Variants in FHIT observed in about 807,000 individuals in gnomAD.
FHIT encodes the protein bis(5'-adenosyl)-triphosphatase.
FHIT carries 19 observed loss-of-function variants against 17.9 expected under a neutral mutation model. The observed-to-expected ratio is 1.06, with a 90% CI of 0.74 to 1.56. The LOEUF (loss-of-function observed/expected upper bound fraction) is 1.56, where lower values mean the gene tolerates loss of function less well. Ranked by LOEUF, FHIT falls within the 40% of genes most tolerant of loss-of-function variation. The probability of loss-of-function intolerance (pLI) is 0.00; values close to 1 mark genes in which losing one functional copy is unlikely to be tolerated. For missense variants in FHIT, 248 were observed against 189.2 expected, an observed-to-expected ratio of 1.31 and a Z score of -1.82; for synonymous variants, 81 against 69.7, an observed-to-expected ratio of 1.16 and a Z score of -0.81.
chr3:60,623,228 C>T (rs1252096023), intron 4 of FHIT, among the ~76,000 whole-genome samples: 4 of 152,178 alleles, frequency 2.6e-5, no homozygotes, highest in Non-Finnish European at 1.5e-5. Flanking sequence ...AGTGTAACCT[C>T]CCCTGTCCAA....
At chr3:60,548,784 C>G (rs904452231) in intron 4 of FHIT, among the ~76,000 whole-genome samples, 2 of 152,186 alleles carry the variant, frequency 1.3e-5, no homozygotes, top group African/African-American at 4.8e-5. Context: ...TCTCAGAGCA[C>G]TAGTTTTAAA....
At chr3:60,227,555 G>A (rs1238873306) in intron 5 of FHIT, among the ~76,000 whole-genome samples, 2 of 152,148 alleles carry the variant, frequency 1.3e-5, no homozygotes, top group African/African-American at 2.4e-5. Context: ...TCTGTTCAGT[G>A]ATTTCCTGGA....
At chr3:60,545,701 G>A (rs1275319472) in intron 4 of FHIT, among the ~76,000 whole-genome samples, 1 of 152,144 alleles carries the variant, frequency 6.6e-6, no homozygotes, top group Non-Finnish European at 1.5e-5. Context: ...TAGCACTGTT[G>A]TTAAGAGAAC....
At chr3:60,600,311 A>G (rs1275497186) in intron 4 of FHIT, among the ~76,000 whole-genome samples, 2 of 151,724 alleles carry the variant, frequency 1.3e-5, no homozygotes, top group Admixed American at 1.3e-4. Context: ...CAAACAAGGA[A>G]GCCTACTTGA....
chr3:60,147,692 T>G (rs752675768), intron 5 of FHIT, among the ~76,000 whole-genome samples: 2 of 152,210 alleles, frequency 1.3e-5, no homozygotes, highest in Non-Finnish European at 2.9e-5. Flanking sequence ...GCAAATTTTT[T>G]TCCCCCTAAG....
intron 7 of FHIT, among the ~76,000 whole-genome samples, chr3:60,009,852 C>G (rs3915502): frequency 0.42 from 64,553 of 152,008 alleles, 14,371 homozygotes; most frequent in Non-Finnish European, 0.5. Context: ...TATTCAGAGC[C>G]TGTTGCATAG....
At chr3:59,871,931 A>G (rs976865503) in intron 8 of FHIT, among the ~76,000 whole-genome samples, 5 of 152,212 alleles carry the variant, frequency 3.3e-5, no homozygotes, top group Non-Finnish European at 2.9e-5. Flanking sequence ...TGTTACAGAG[A>G]TAATACACAT....
At chr3:61,110,954 G>A (rs2036140459) in intron 2 of FHIT, among the ~76,000 whole-genome samples, 1 of 152,148 alleles carries the variant, frequency 6.6e-6, no homozygotes, top group Non-Finnish European at 1.5e-5. Context: ...AGGAAAACAA[G>A]TAACTTTGAT....
At chr3:60,759,431 C>G (rs1431712171) in intron 4 of FHIT, among the ~76,000 whole-genome samples, 1 of 152,036 alleles carries the variant, frequency 6.6e-6, no homozygotes, top group Non-Finnish European at 1.5e-5. Context: ...GAGGTCTAAG[C>G]TAGAGATAGA....
intron 3 of FHIT, among the ~76,000 whole-genome samples, chr3:61,005,349 A>C (rs1403498064): frequency 6.6e-6 from 1 of 152,120 alleles, no homozygotes; most frequent in Non-Finnish European, 1.5e-5. Flanking sequence ...AGGGCTTGCC[A>C]CAGAAGAGAT....
intron 8 of FHIT, among the ~76,000 whole-genome samples, chr3:59,853,459 T>C (rs1702024071): frequency 6.6e-6 from 1 of 152,188 alleles, no homozygotes; most frequent in South Asian, 2.1e-4. Flanking sequence ...GCAAGTCCTA[T>C]GAATAATATA....
At chr3:60,539,914 C>T (rs2036127405) in intron 4 of FHIT, among the ~76,000 whole-genome samples, 2 of 151,244 alleles carry the variant, frequency 1.3e-5, no homozygotes, top group East Asian at 1.9e-4. Flanking sequence ...ATGTTGTGCA[C>T]ATGTACCCTA....
At chr3:60,623,179 T>A (rs1553679421) in intron 4 of FHIT, among the ~76,000 whole-genome samples, 1 of 152,186 alleles carries the variant, frequency 6.6e-6, no homozygotes, top group Non-Finnish European at 1.5e-5. Flanking sequence ...AGAAATAACT[T>A]TTTTAATGCA....
intron 8 of FHIT, among the ~76,000 whole-genome samples, chr3:59,864,215 A>C (rs950396712): frequency 1.3e-5 from 2 of 152,162 alleles, no homozygotes; most frequent in Admixed American, 1.3e-4. Context: ...TATCTACCAG[A>C]ATTCCCACAT....
Position 60,065,158 on chromosome 3 carries a change from A to C in FHIT, c.104-51006T>G, listed in dbSNP as rs78189756. On this transcript the variant is annotated intron_variant, in intron 5 of 9. Coordinates refer to ENST00000492590, the MANE Select transcript of FHIT (RefSeq NM_002012.4). ...AGACCAAAACTAGGAAGTTTGGAAA[A>C]ATGAGAATCATGAAAATATGCGTAT... 8.9e-3 allele frequency among the ~76,000 whole-genome samples: 1,363 copies of C among 152,314 alleles called. 22 individuals carry two copies. Among genetic ancestry groups the C allele is most frequent in the African/African-American group, 0.031 (1,282 of 41,574 alleles).
intron 2 of FHIT, among the ~76,000 whole-genome samples, chr3:61,169,933 T>C (rs999654100): frequency 5.9e-5 from 9 of 152,262 alleles, no homozygotes; most frequent in East Asian, 1.9e-4. Context: ...CCTAACAGGA[T>C]TCTTGCTAAA....
chr3:60,362,220 G>A (rs1044262795), intron 5 of FHIT, among the ~76,000 whole-genome samples: 1 of 152,110 alleles, frequency 6.6e-6, no homozygotes, highest in Admixed American at 6.5e-5. Context: ...AGCAGCTAAA[G>A]TCTACTTCCT....
chr3:61,104,740 A>C (rs568637041), intron 2 of FHIT, among the ~76,000 whole-genome samples: 2 of 152,156 alleles, frequency 1.3e-5, no homozygotes, highest in East Asian at 3.9e-4. Flanking sequence ...ACATAATCCC[A>C]TATTTCTCAG....
intron 5 of FHIT, among the ~76,000 whole-genome samples, chr3:60,240,841 A>G (rs1306385357): frequency 1.3e-5 from 2 of 152,140 alleles, no homozygotes; most frequent in Non-Finnish European, 2.9e-5. Context: ...CAAGAGCTGT[A>G]CCTGCTTTGA....
Sources: gnomAD v4.1 joint callset for allele counts (sites outside exome capture counted in the v4.1 genomes callset) on GRCh38, gnomAD v4.1.1 for gene constraint, MANE v1.5 for transcripts, NCBI Gene and HGNC (gene_info 2026-07-23, HGNC 2026-07-21) for gene names.